Variants in NELL1 observed in about 807,000 individuals in gnomAD.
NELL1 encodes protein kinase C-binding protein NELL1.
NELL1 carries 76 observed loss-of-function variants against 107.4 expected under a neutral mutation model. The observed-to-expected ratio is 0.71, with a 90% CI of 0.59 to 0.86. The LOEUF is 0.86. Among genes scored for constraint, NELL1 ranks in the 40% least tolerant of loss-of-function variants. The pLI is 0.00. For missense variants in NELL1, 1,024 were observed against 1,005.5 expected (o/e 1.02, Z -0.25); for synonymous variants, 353 against 341.2 (o/e 1.03, Z -0.38).
chr11:21,036,734 T>TCA (rs1157714287), intron 12 of NELL1, among the ~76,000 whole-genome samples: 1 of 151,512 alleles, frequency 6.6e-6, no homozygotes. Context: ...TCTCTCTGTC[T>TCA]CACACACACA....
At chr11:20,858,489 T>C (rs1357058248) in intron 4 of NELL1, among the ~76,000 whole-genome samples, 1 of 152,228 alleles carries the variant, frequency 6.6e-6, no homozygotes, top group Non-Finnish European at 1.5e-5. Context: ...TTTAACCTTT[T>C]GGTAAATCAC....
At chr11:21,320,342 T>C (rs1849981967) in intron 14 of NELL1, among the ~76,000 whole-genome samples, 1 of 152,212 alleles carries the variant, frequency 6.6e-6, no homozygotes, top group Non-Finnish European at 1.5e-5. Flanking sequence ...TGGGAAGAGA[T>C]GGAAGCCTTT....
intron 15 of NELL1, among the ~76,000 whole-genome samples, chr11:21,499,194 A>T (rs898438794): frequency 6.6e-6 from 1 of 151,738 alleles, no homozygotes; most frequent in Non-Finnish European, 1.5e-5. Context: ...GTTTTATACA[A>T]TTTTTTGTAT....
chr11:20,942,887 G>A (rs954879889), intron 10 of NELL1, among the ~76,000 whole-genome samples: 2 of 152,020 alleles, frequency 1.3e-5, no homozygotes, highest in African/African-American at 2.4e-5. Flanking sequence ...CTCTAGCAAG[G>A]GTCACTATTA....
chr11:21,423,843 G>A (rs1034808062), intron 15 of NELL1, among the ~76,000 whole-genome samples: 1 of 152,172 alleles, frequency 6.6e-6, no homozygotes, highest in African/African-American at 2.4e-5. Context: ...ATTACAAATT[G>A]GTAGAAGATA....
intron 5 of NELL1, among the ~76,000 whole-genome samples, chr11:20,896,640 C>A (rs1345977148): frequency 1.3e-5 from 2 of 152,138 alleles, no homozygotes; most frequent in Non-Finnish European, 2.9e-5. Flanking sequence ...TTGCAGACGA[C>A]ATGATTGTAT....
At chr11:21,274,961 T>C (rs988556359) in intron 14 of NELL1, among the ~76,000 whole-genome samples, 4 of 152,094 alleles carry the variant, frequency 2.6e-5, no homozygotes, top group South Asian at 4.1e-4. Flanking sequence ...AGATCTAAAA[T>C]TGATACCCTA....
chr11:21,145,235 T>G (rs978940847), intron 13 of NELL1, among the ~76,000 whole-genome samples: 6 of 152,196 alleles, frequency 3.9e-5, no homozygotes, highest in Admixed American at 1.3e-4. Flanking sequence ...GTATTATTAT[T>G]CCCATTTTAC....
intron 2 of NELL1, among the ~76,000 whole-genome samples, chr11:20,725,745 T>C (rs796316048): frequency 2.2e-4 from 33 of 152,350 alleles, no homozygotes; most frequent in Middle Eastern, 3.4e-3. Context: ...TGCTAGTTTT[T>C]GTTTATTTTT....
chr11:21,303,799 A>C (rs2133628937), intron 14 of NELL1, among the ~76,000 whole-genome samples: 1 of 152,118 alleles, frequency 6.6e-6, no homozygotes, highest in Non-Finnish European at 1.5e-5. Flanking sequence ...GAAAACAGAA[A>C]CATGTTTCTT....
intron 16 of NELL1, among the ~76,000 whole-genome samples, chr11:21,547,771 T>C (rs1427407118): frequency 6.6e-6 from 1 of 151,870 alleles, no homozygotes; most frequent in Non-Finnish European, 1.5e-5. Flanking sequence ...GTTAAATTTG[T>C]CCTAAAATTC....
intron 4 of NELL1, among the ~76,000 whole-genome samples, chr11:20,879,650 T>G (rs1849371191): frequency 6.6e-6 from 1 of 152,170 alleles, no homozygotes; most frequent in African/African-American, 2.4e-5. Flanking sequence ...TCTTATAAAA[T>G]GTTTCTTCCA....
intron 4 of NELL1, among the ~76,000 whole-genome samples, chr11:20,866,451 C>T (rs1039992698): frequency 6.6e-5 from 10 of 152,120 alleles, no homozygotes; most frequent in Non-Finnish European, 1.5e-4. Context: ...CTGGTAAGGC[C>T]TTTGGAAAAT....
At chr11:21,390,485 C>T (rs11824795) in intron 15 of NELL1, among the ~76,000 whole-genome samples, 17,443 of 149,954 alleles carry the variant, frequency 0.12, 1,149 homozygotes, top group African/African-American at 0.16. Context: ...TTTTTTCGAC[C>T]GCTCATCCAC....
intron 15 of NELL1, among the ~76,000 whole-genome samples, chr11:21,432,587 A>G (rs1347599868): frequency 1.3e-5 from 2 of 152,136 alleles, no homozygotes; most frequent in East Asian, 3.9e-4. Context: ...GTACTTTGAT[A>G]AGAAAGTTTT....
chr11:21,312,936 G>A (rs1415409335), intron 14 of NELL1, among the ~76,000 whole-genome samples: 2 of 151,864 alleles, frequency 1.3e-5, no homozygotes, highest in African/African-American at 4.8e-5. Flanking sequence ...CCCTTTTATA[G>A]CAATAGTCTC....
At chr11:21,462,817 G>A (rs1406727043) in intron 15 of NELL1, among the ~76,000 whole-genome samples, 2 of 152,008 alleles carry the variant, frequency 1.3e-5, no homozygotes, top group Non-Finnish European at 2.9e-5. Context: ...TCCAAAACTT[G>A]TTCAAATTTT....
chr11:21,442,840 A>G (rs1590935635), intron 15 of NELL1, among the ~76,000 whole-genome samples: 1 of 152,208 alleles, frequency 6.6e-6, no homozygotes, highest in Non-Finnish European at 1.5e-5. Context: ...GTGTAAACAC[A>G]ATGAATATGC....
At chr11:20,676,968 AG>A (rs1159884950) in intron 1 of NELL1, among the ~76,000 whole-genome samples, 1 of 152,224 alleles carries the variant, frequency 6.6e-6, no homozygotes, top group Non-Finnish European at 1.5e-5. Flanking sequence ...TAATACATAT[AG>A]TTGGAAATCA....
Sources: gnomAD v4.1 joint callset for allele counts (sites outside exome capture counted in the v4.1 genomes callset) on GRCh38, gnomAD v4.1.1 for gene constraint, MANE v1.5 for transcripts, NCBI Gene and HGNC (gene_info 2026-07-23, HGNC 2026-07-21) for gene names.